EPS8: variants seen among roughly 807,000 people sequenced by gnomAD.
EPS8 encodes epidermal growth factor receptor kinase substrate 8.
A neutral mutation model predicts 103.8 loss-of-function variants in EPS8; 42 were observed. The ratio of observed to expected loss-of-function variants is 0.40; its 90% CI spans 0.32 to 0.52. The LOEUF (loss-of-function observed/expected upper bound fraction) is 0.52. EPS8 is among the 20% of genes least tolerant of loss of function. The pLI is 0.40. For synonymous variants in EPS8, 344 were observed against 344.6 expected (o/e 1.00, Z 0.02); for missense variants, 969 against 1,005.1 (o/e 0.96, Z 0.49).
At chr12:15,707,912 A>G (rs1339956202) in intron 1 of EPS8, among the ~76,000 whole-genome samples, 1 of 152,088 alleles carries the variant, frequency 6.6e-6, no homozygotes, top group Non-Finnish European at 1.5e-5. Flanking sequence ...CCCTATCTCT[A>G]ATTCTCTAAT....
chr12:15,621,448 C>A lies in EPS8; in HGVS notation c.2356-18G>T. On this transcript the variant is annotated intron_variant, in intron 20 of 20. Transcript: ENST00000281172. ...CTGCTATCCTGAAAGATAAACAGTT[C>A]AGACAAGATAGTTACTGACTTGTGC... 2 of 1,423,024 alleles carry A rather than the reference C, an allele frequency of 1.4e-6. No homozygotes were observed. The highest frequency in any genetic ancestry group is 2.0e-6 in the Non-Finnish European group (2 of 1,018,416). 88.1% of individuals were successfully genotyped at this position (1,423,024 alleles called of 1,614,324 possible).
At chr12:15,709,738 T>C (rs116285256) in intron 1 of EPS8, among the ~76,000 whole-genome samples, 1,748 of 152,306 alleles carry the variant, frequency 0.011, 39 homozygotes, top group African/African-American at 0.04. Flanking sequence ...GTGTCCAAGA[T>C]TGATATTCAC....
chr12:15,661,554 A>G (rs990080383), intron 9 of EPS8, among the ~76,000 whole-genome samples: 2 of 152,192 alleles, frequency 1.3e-5, no homozygotes, highest in Non-Finnish European at 2.9e-5. Flanking sequence ...GTAAATCACT[A>G]TAAAGAAAAC....
intron 1 of EPS8, chr12:15,683,523 A>T (rs1946044704): frequency 6.6e-6 from 1 of 152,190 alleles, no homozygotes. Flanking sequence ...CACATTTGAC[A>T]ACATGTGCTT....
At chr12:15,623,714 A>G (rs2135710424) in intron 19 of EPS8, among the ~76,000 whole-genome samples, 1 of 152,354 alleles carries the variant, frequency 6.6e-6, no homozygotes, top group Middle Eastern at 3.4e-3. Flanking sequence ...CCAAATACAT[A>G]TGAAATGTTT....
rs1644330248 is a variant in EPS8 at position 15,762,569 on chromosome 12, TGTGGTACTTATAC to T, written c.-22+26579_-22+26591del. ...TCAACAGATGAATGGATAAAGTAAA[TGTGGTACTTATAC>T]ACAATGGAGTACTATTCATAAAATG... On this transcript the variant is annotated intron_variant, in intron 1 of 20. Coordinates refer to ENST00000281172, the MANE Select transcript of EPS8 (RefSeq NM_004447.6). The surrounding 1 kb of genome is among the most constrained non-coding windows in gnomAD (Gnocchi z 4.8). Among the ~76,000 whole-genome samples, 1 of 152,186 alleles carries T rather than the reference TGTGGTACTTATAC, an allele frequency of 6.6e-6. No homozygotes were observed. Among genetic ancestry groups the T allele is most frequent in the Admixed American group, 6.5e-5 (1 of 15,270 alleles).
chr12:15,755,551 T>A (rs945424158), intron 1 of EPS8, among the ~76,000 whole-genome samples: 12 of 152,278 alleles, frequency 7.9e-5, no homozygotes, highest in African/African-American at 2.9e-4. Context: ...TAGTAAAGGA[T>A]TTAGCACAAA....
At chr12:15,668,212 C>T (rs995059521) in intron 6 of EPS8, among the ~76,000 whole-genome samples, 17 of 152,030 alleles carry the variant, frequency 1.1e-4, no homozygotes, top group African/African-American at 4.1e-4. Context: ...TACCTAAATG[C>T]CAGTTCTTTT....
At chr12:15,658,737 A>T (rs1247430107) in intron 10 of EPS8, 152 bp from the exon 11 acceptor site, 3 of 617,446 alleles carry the variant, frequency 4.9e-6, no homozygotes, top group Non-Finnish European at 8.8e-6. Flanking sequence ...TCTGACTGTA[A>T]CAAACTGAGA....
chr12:15,783,368 C>CT (rs1947279061), intron 1 of EPS8, among the ~76,000 whole-genome samples: 1 of 152,082 alleles, frequency 6.6e-6, no homozygotes. Flanking sequence ...AGAAGGGTTA[C>CT]TAGTTAAGTT....
intron 8 of EPS8, among the ~76,000 whole-genome samples, chr12:15,663,251 G>A (rs1266193521): frequency 2.0e-5 from 3 of 152,126 alleles, no homozygotes; most frequent in Non-Finnish European, 4.4e-5. Context: ...GTGAGGGGGA[G>A]ATATGGTATT....
chr12:15,676,259 C>CAAAAAA (rs888576581), intron 3 of EPS8, among the ~76,000 whole-genome samples: 2 of 16,336 alleles, frequency 1.2e-4, no homozygotes, highest in Non-Finnish European at 2.6e-4. Flanking sequence ...GACTCCATCT[C>CAAAAAA]AAAAAAAAAA....
chr12:15,623,081 G>A (rs867810101), intron 20 of EPS8, 77 bp downstream of exon 20: 1 of 1,399,240 alleles, frequency 7.1e-7, no homozygotes, highest in Non-Finnish European at 9.6e-7. Context: ...AGGGAAATTG[G>A]CCAATATGGA....
At chr12:15,634,685 A>C in intron 17 of EPS8, 1 of 398,740 alleles carries the variant, frequency 2.5e-6, no homozygotes, top group Non-Finnish European at 4.4e-6. Flanking sequence ...TGAGAGACTG[A>C]ATCCAAAAAA....
rs1413542909 is a variant in EPS8 at position 15,748,606 on chromosome 12, T to C, written c.-22+40555A>G. Among the ~76,000 whole-genome samples the C allele has an allele frequency of 6.6e-6, 1 of 152,090 alleles. No individual in the cohort carries two copies. Among genetic ancestry groups the C allele is most frequent in the East Asian group, 1.9e-4 (1 of 5,190 alleles). ...TCACTCTGGATCTGAACAACTCAAA[T>C]AAAGTATAAACACGTAGCTTTCATT... On this transcript the variant is annotated intron_variant, in intron 1 of 20. Transcript: ENST00000281172. This position sits in a 1 kb window ranked among gnomAD's most constrained non-coding sequence, Gnocchi z 4.8.
At chr12:15,674,545 C>T (rs1423797287) in intron 3 of EPS8, among the ~76,000 whole-genome samples, 1 of 152,126 alleles carries the variant, frequency 6.6e-6, no homozygotes, top group African/African-American at 2.4e-5. Context: ...CACAGCTTGA[C>T]AAATGAGTAT....
In EPS8 at chr12:15,714,733, T is replaced by C. The variant is rs946130417; in HGVS notation, c.-21-31761A>G. ...ATGGGAAATGGGTAAAAAACAAAAA[T>C]ACATTCTCTGTATAGTGCACTCAGA... On this transcript the variant is annotated intron_variant, in intron 1 of 20. Coordinates refer to ENST00000281172, the MANE Select transcript of EPS8 (RefSeq NM_004447.6). The surrounding 1 kb of genome is among the most constrained non-coding windows in gnomAD (Gnocchi z 4.1). Among the ~76,000 whole-genome samples, 2 of 152,172 alleles carry C rather than the reference T, an allele frequency of 1.3e-5. No individual in the cohort carries two copies. The highest frequency in any genetic ancestry group is 1.5e-5 in the Non-Finnish European group (1 of 68,018).
intron 18 of EPS8, among the ~76,000 whole-genome samples, chr12:15,627,337 T>G (rs1944966514): frequency 6.6e-6 from 1 of 152,130 alleles, no homozygotes; most frequent in South Asian, 2.1e-4. Flanking sequence ...CTCCTTTCAT[T>G]AAAATATAAG....
rs1458130942 is a variant in EPS8 at position 15,620,176 on chromosome 12, A to G, written c.*1141T>C. ...GAAACCATTTATTAACAGACAGCAAATACTGTTTATTGCAGACTTTCCAGC... is the reference window on the plus strand; with the variant it reads ...GAAACCATTTATTAACAGACAGCAAGTACTGTTTATTGCAGACTTTCCAGC... On this transcript the variant is annotated 3_prime_UTR_variant, in exon 21 of 21. Transcript: ENST00000281172. 6.6e-6 allele frequency: 1 copy of G among 152,658 alleles called. No homozygotes were observed. Among genetic ancestry groups the G allele is most frequent in the Admixed American group, 6.5e-5 (1 of 15,284 alleles). The allele number at this position is 152,658 out of a possible 1,614,324, so 9.5% of individuals were successfully genotyped here.
Sources: gnomAD v4.1 joint callset for allele counts (sites outside exome capture counted in the v4.1 genomes callset) on GRCh38, gnomAD v4.1.1 for gene constraint, Gnocchi (gnomAD v3.1) non-coding constraint, MANE v1.5 for transcripts, NCBI Gene and HGNC (gene_info 2026-07-23, HGNC 2026-07-21) for gene names.